ATP6V1E2: variants seen among roughly 807,000 people sequenced by gnomAD.
ATP6V1E2 encodes the protein V-type proton ATPase subunit E 2.
For synonymous variants in ATP6V1E2, 121 were observed against 104.2 expected (o/e 1.16, Z -0.98); for missense variants, 308 against 273.3 (o/e 1.13, Z -0.90).
Position 46,512,301 on chromosome 2 carries a change from C to T in ATP6V1E2, c.411G>A (p.Arg137=). 4 of 1,610,856 alleles carry T rather than the reference C, an allele frequency of 2.5e-6. No individual in the cohort carries two copies. Among genetic ancestry groups the T allele is most frequent in the Non-Finnish European group, 3.4e-6 (4 of 1,177,898 alleles). The change falls in exon 5 of 5, where the codon CGG becomes CGA. Residue 137 remains arginine (R), a synonymous_variant. Transcript: ENST00000522587. The part of the protein sequence containing the change: ...LLEPVMIVRC[R]PQDLLLVEAA... ...CCTCCACCAGGAGGAGGTCTTGTGG[C>T]CGGCAGCGTACAATCATCACAGGTT...
At chr2:46,522,284 C>CA (rs57921616) in intron 4 of ATP6V1E2, among the ~76,000 whole-genome samples, 81,581 of 135,814 alleles carry the variant, frequency 0.6, 24,410 homozygotes, top group East Asian at 0.83. Flanking sequence ...ACTCTGTCTC[C>CA]AAAAAAAAAA....
At chr2:46,514,809 A>T (rs930859845) in intron 4 of ATP6V1E2, among the ~76,000 whole-genome samples, 4 of 152,278 alleles carry the variant, frequency 2.6e-5, no homozygotes, top group African/African-American at 7.2e-5. Context: ...AGTCTAACGG[A>T]CTCCAACTAA....
intron 4 of ATP6V1E2, among the ~76,000 whole-genome samples, chr2:46,531,856 C>A (rs144533675): frequency 3.3e-5 from 5 of 152,218 alleles, no homozygotes; most frequent in African/African-American, 1.2e-4. Flanking sequence ...CTGTTCAAGT[C>A]TTTTGCCCCT....
At chr2:46,531,321 C>A (rs1558666949) in intron 4 of ATP6V1E2, among the ~76,000 whole-genome samples, 1 of 152,284 alleles carries the variant, frequency 6.6e-6, no homozygotes, top group East Asian at 1.9e-4. Flanking sequence ...CTTAGCATAA[C>A]GTTTTTGAGA....
intron 4 of ATP6V1E2, among the ~76,000 whole-genome samples, chr2:46,518,488 ACAACAC>A (rs1449788939): frequency 1.1e-4 from 8 of 73,416 alleles, no homozygotes; most frequent in East Asian, 7.4e-4. Flanking sequence ...ACACACACAC[ACAACAC>A]ACACACACAC....
At chr2:46,531,769 C>G (rs1393896347) in intron 4 of ATP6V1E2, among the ~76,000 whole-genome samples, 1 of 152,114 alleles carries the variant, frequency 6.6e-6, no homozygotes, top group Non-Finnish European at 1.5e-5. Context: ...TTACATTTAC[C>G]TAATGACTAA....
intron 4 of ATP6V1E2, among the ~76,000 whole-genome samples, chr2:46,515,685 C>T (rs539856054): frequency 2.0e-5 from 3 of 152,262 alleles, no homozygotes; most frequent in African/African-American, 7.2e-5. Context: ...TCAGTAATTA[C>T]TTTAAATATA....
At chr2:46,541,732 C>T (rs1356822494) in intron 1 of ATP6V1E2, 1 of 152,290 alleles carries the variant, frequency 6.6e-6, no homozygotes, top group African/African-American at 2.4e-5. Flanking sequence ...GCACCCCCGC[C>T]CCAATGCCCA....
chr2:46,516,281 A>G (rs1687706334), intron 4 of ATP6V1E2, among the ~76,000 whole-genome samples: 1 of 152,258 alleles, frequency 6.6e-6, no homozygotes. Context: ...ATGTTAGGTT[A>G]TAAAACGAAT....
chr2:46,527,032 G>C (rs1572710250), intron 4 of ATP6V1E2, among the ~76,000 whole-genome samples: 4 of 152,072 alleles, frequency 2.6e-5, no homozygotes, highest in Admixed American at 2.6e-4. Context: ...ATCTTTGCCA[G>C]TACTTGCTGT....
chr2:46,511,967 T>C lies in ATP6V1E2; in HGVS notation c.*64A>G, dbSNP rs1687475783. 1 of 1,453,672 alleles carries C rather than the reference T, an allele frequency of 6.9e-7. No homozygotes were observed. Among genetic ancestry groups the C allele is most frequent in the African/African-American group, 1.4e-5 (1 of 70,342 alleles). 90.0% of individuals were successfully genotyped at this position (1,453,672 alleles called of 1,614,324 possible). On this transcript the variant is annotated 3_prime_UTR_variant, in exon 5 of 5. Transcript: ENST00000522587. Reference sequence around the variant, plus strand: ...AGAGGAGGAAACACTACTAGTTTCCTTTCCCCAAAAAACTTAAACTTTTAT... The same window carrying C: ...AGAGGAGGAAACACTACTAGTTTCCCTTCCCCAAAAAACTTAAACTTTTAT...
At chr2:46,521,651 ATG>A (rs1299342665) in intron 4 of ATP6V1E2, among the ~76,000 whole-genome samples, 1 of 151,988 alleles carries the variant, frequency 6.6e-6, no homozygotes, top group Non-Finnish European at 1.5e-5. Flanking sequence ...AATATTGAGT[ATG>A]TGGAAGTGGG....
At chr2:46,517,914 G>A (rs934588747) in intron 4 of ATP6V1E2, among the ~76,000 whole-genome samples, 1 of 152,246 alleles carries the variant, frequency 6.6e-6, no homozygotes, top group African/African-American at 2.4e-5. Flanking sequence ...TGGTGGGAAT[G>A]TAAAATGATG....
rs941567366 is a variant in ATP6V1E2, at chr2:46,511,864, G to T, written c.*167C>A. On this transcript the variant is annotated 3_prime_UTR_variant, in exon 5 of 5. Transcript: ENST00000522587. ...AATTTGAATTCTGAGCATTAATTTG[G>T]GCTTTATTTCAAAGTTAACACTTTA... 2.2e-5 allele frequency: 13 copies of T among 587,040 alleles called. 1 individual carries two copies. In the African/African-American group the frequency reaches 2.3e-4, roughly 10 times the overall value. The allele number at this position is 587,040 out of a possible 1,614,324, so 36.4% of individuals were successfully genotyped here. A position where few individuals can be genotyped will look rare whatever the true frequency, so the allele number is the denominator to read the frequency against.
At chr2:46,524,179 G>A (rs1558661921) in intron 4 of ATP6V1E2, among the ~76,000 whole-genome samples, 1 of 152,218 alleles carries the variant, frequency 6.6e-6, no homozygotes, top group African/African-American at 2.4e-5. Flanking sequence ...TCTGCAAACA[G>A]CAACTTGACT....
chr2:46,512,044 T>C lies in ATP6V1E2; in HGVS notation c.668A>G (p.Lys223Arg). 6.3e-7 allele frequency: 1 copy of C among 1,593,142 alleles called. No homozygotes were observed. Among genetic ancestry groups the C allele is most frequent in the Non-Finnish European group, 8.5e-7 (1 of 1,170,950 alleles). The change falls in exon 5 of 5, where the codon AAG becomes AGG. Residue 223 changes from lysine (K) to arginine (R), a missense_variant. Physicochemically the swap from Lys to Arg is conservative, Grantham distance 26. Transcript: ENST00000522587. ...CTTCCCAGAGGCTTATATAAAGAAC[T>C]TTCTGTTGGTGTTAGCACCAAACAA... is the stretch of plus-strand genomic sequence containing the variant. ...MALFGANTNR[K>R]FFI
intron 4 of ATP6V1E2, chr2:46,528,078 T>A (rs376088987): frequency 1.7e-4 from 26 of 152,284 alleles, no homozygotes; most frequent in African/African-American, 6.3e-4. Context: ...CCAAATAGAA[T>A]CAAAAATCCA....
chr2:46,511,935 G>T lies in ATP6V1E2; in HGVS notation c.*96C>A. 9.2e-7 allele frequency: 1 copy of T among 1,092,388 alleles called. No individual in the cohort carries two copies. 67.7% of individuals were successfully genotyped at this position (1,092,388 alleles called of 1,614,324 possible). A position where few individuals can be genotyped will look rare whatever the true frequency, so the allele number is the denominator to read the frequency against. The stretch of plus-strand genomic sequence containing the variant: ...TGAAGAAAAACAGAACAGTATCAGA[G>T]CATCAAAGAGGAGGAAACACTACTA... On this transcript the variant is annotated 3_prime_UTR_variant, in exon 5 of 5. Coordinates refer to ENST00000522587, the MANE Select transcript of ATP6V1E2 (RefSeq NM_001318063.2).
At chr2:46,513,012 A>G (rs1001527060) in intron 4 of ATP6V1E2, among the ~76,000 whole-genome samples, 200 bp from the exon 5 acceptor site, 4 of 152,216 alleles carry the variant, frequency 2.6e-5, no homozygotes, top group African/African-American at 9.6e-5. Context: ...ACTCACTCTC[A>G]TTGTTATCAA....
Sources: allele counts gnomAD v4.1 joint callset (sites outside exome capture counted in the v4.1 genomes callset), GRCh38; gene constraint gnomAD v4.1.1; transcripts MANE v1.5; gene names NCBI Gene and HGNC (gene_info 2026-07-23, HGNC 2026-07-21).